TENM2: variants seen among roughly 807,000 people sequenced by gnomAD.
TENM2 encodes the protein teneurin transmembrane protein 2, also known as teneurin-2.
A neutral mutation model predicts 245.2 loss-of-function variants in TENM2; 52 were observed. That is an observed-to-expected ratio of 0.21 (90% CI 0.17 to 0.27). The LOEUF (loss-of-function observed/expected upper bound fraction) is 0.27, where lower values mean the gene tolerates loss of function less well. Among genes scored for constraint, TENM2 ranks in the 10% least tolerant of loss-of-function variants. The pLI, the probability that TENM2 is intolerant of heterozygous loss-of-function variation, is 1.00. For synonymous variants in TENM2, 1,363 were observed against 1,438.9 expected, an observed-to-expected ratio of 0.95 and a Z score of 1.19; for missense variants, 3,046 against 3,666.8, an observed-to-expected ratio of 0.83 and a Z score of 4.37.
At chr5:166,987,221 T>C in the TENM2 span, among the ~76,000 whole-genome samples, 1 of 152,198 alleles carries the variant, frequency 6.6e-6, no homozygotes, top group Admixed American at 6.5e-5. Context: ...TGTCATTTCT[T>C]GGTTTTTCTC....
intron 13 of TENM2, among the ~76,000 whole-genome samples, chr5:168,182,713 T>TCC (rs1760019934): frequency 6.6e-6 from 1 of 151,540 alleles, no homozygotes; most frequent in Admixed American, 6.6e-5. Flanking sequence ...TCTAAGTTGC[T>TCC]CCCCAAGTGT....
chr5:167,096,718 G>A, the TENM2 span, among the ~76,000 whole-genome samples: 2 of 152,264 alleles, frequency 1.3e-5, no homozygotes, highest in East Asian at 1.9e-4. Flanking sequence ...ATACAATCTT[G>A]GGAAGGAGTA....
chr5:167,542,615 A>G (rs1489259444), intron 2 of TENM2, among the ~76,000 whole-genome samples: 2 of 152,162 alleles, frequency 1.3e-5, no homozygotes, highest in Admixed American at 1.3e-4. Flanking sequence ...AGTCAGTTGC[A>G]TAGCTTTTGT....
At position 168,003,555 on chromosome 5, in the gene TENM2, G is replaced by A. The variant is rs150710815; in HGVS notation, c.1186+10373G>A. 5.2e-3 allele frequency among the ~76,000 whole-genome samples: 793 copies of A among 152,276 alleles called. 6 individuals are homozygous for A. The highest frequency in any genetic ancestry group is 0.041 in the Middle Eastern group (12 of 294). On this transcript the variant is annotated intron_variant, in intron 5 of 28. Transcript: ENST00000518659. Reference sequence around the variant, plus strand: ...TGGAACAGTTAAAGGACACAAATAGGAGGGGAAAATGGCACCCAGCATACC... The same window carrying A: ...TGGAACAGTTAAAGGACACAAATAGAAGGGGAAAATGGCACCCAGCATACC...
At chr5:167,600,803 A>G (rs929301794) in intron 2 of TENM2, among the ~76,000 whole-genome samples, 5 of 152,238 alleles carry the variant, frequency 3.3e-5, no homozygotes, top group African/African-American at 1.2e-4. Context: ...GAAGATCCAC[A>G]TATGTTAAGG....
rs1756000934 is a variant in TENM2, at chr5:167,311,042, C to T, written c.226+25979C>T. 1.3e-5 allele frequency among the ~76,000 whole-genome samples: 2 copies of T among 152,160 alleles called. 1 individual carries two copies. Among genetic ancestry groups the T allele is most frequent in the African/African-American group, 4.8e-5 (2 of 41,438 alleles). On this transcript the variant is annotated intron_variant, in intron 1 of 28. Coordinates refer to ENST00000518659, the Ensembl canonical transcript of TENM2. ...CTCAGTATTCAGAGCCTGTCCTCAT[C>T]TCACTGTTTACTTTGGGAAAATAGC...
intron 2 of TENM2, among the ~76,000 whole-genome samples, chr5:167,668,757 C>T (rs1223159340): frequency 6.6e-6 from 1 of 152,100 alleles, no homozygotes; most frequent in East Asian, 1.9e-4. Context: ...GAGTTCTAAA[C>T]CAGCCTGGGC....
chr5:167,617,759 A>G (rs760151256), intron 2 of TENM2, among the ~76,000 whole-genome samples: 4 of 152,192 alleles, frequency 2.6e-5, no homozygotes, highest in East Asian at 1.9e-4. Context: ...TGAATATTCA[A>G]ATGGAAAGAA....
At chr5:167,035,034 A>G in the TENM2 span, among the ~76,000 whole-genome samples, 1 of 152,214 alleles carries the variant, frequency 6.6e-6, no homozygotes, top group South Asian at 2.1e-4. Flanking sequence ...TTTCATAGAC[A>G]GTCTTTGCAT....
intron 2 of TENM2, among the ~76,000 whole-genome samples, chr5:167,789,106 TA>T (rs2150883323): frequency 6.6e-6 from 1 of 152,344 alleles, no homozygotes; most frequent in Non-Finnish European, 1.5e-5. Flanking sequence ...ACCTGGTTCA[TA>T]AATGTTTTCT....
intron 2 of TENM2, among the ~76,000 whole-genome samples, chr5:167,793,811 G>C (rs1344418836): frequency 4.0e-5 from 6 of 151,538 alleles, no homozygotes; most frequent in Non-Finnish European, 8.8e-5. Context: ...ACTCCAGCCT[G>C]GGTGCAAAAC....
At chr5:167,622,137 A>G (rs1778213645) in intron 2 of TENM2, among the ~76,000 whole-genome samples, 1 of 152,164 alleles carries the variant, frequency 6.6e-6, no homozygotes, top group African/African-American at 2.4e-5. Flanking sequence ...AAGCAAAGTG[A>G]GTGAAATTAG....
At chr5:167,902,069 C>T (rs188578211) in intron 3 of TENM2, among the ~76,000 whole-genome samples, 1 of 151,620 alleles carries the variant, frequency 6.6e-6, no homozygotes, top group Admixed American at 6.6e-5. Flanking sequence ...AATCCCCTTC[C>T]ATTTCTTGAG....
At chr5:168,100,481 A>G (rs1395670346) in intron 9 of TENM2, among the ~76,000 whole-genome samples, 3 of 152,180 alleles carry the variant, frequency 2.0e-5, no homozygotes, top group Non-Finnish European at 2.9e-5. Flanking sequence ...CTTGGAACCA[A>G]CCCAAATGCC....
chr5:167,050,640 T>C, the TENM2 span, among the ~76,000 whole-genome samples: 3 of 151,982 alleles, frequency 2.0e-5, no homozygotes, highest in African/African-American at 7.2e-5. Context: ...ATTATTGAGG[T>C]CATTATAGGA....
At chr5:167,089,751 G>A in the TENM2 span, among the ~76,000 whole-genome samples, 6 of 152,180 alleles carry the variant, frequency 3.9e-5, no homozygotes, top group Non-Finnish European at 8.8e-5. Context: ...ATGAGCAGGA[G>A]AGATTTTAAG....
the TENM2 span, among the ~76,000 whole-genome samples, chr5:167,203,073 A>G: frequency 1.3e-5 from 2 of 152,194 alleles, no homozygotes; most frequent in African/African-American, 4.8e-5. Flanking sequence ...GCACAATCCA[A>G]TGCAGAACAC....
chr5:167,493,788 A>T (rs1283939915), intron 2 of TENM2, among the ~76,000 whole-genome samples: 9 of 152,076 alleles, frequency 5.9e-5, no homozygotes. Context: ...ATATATCTAT[A>T]ACAGGAAAGA....
intron 2 of TENM2, among the ~76,000 whole-genome samples, chr5:167,685,749 A>T (rs1757033429): frequency 6.6e-6 from 1 of 151,616 alleles, no homozygotes; most frequent in Non-Finnish European, 1.5e-5. Context: ...GGTAGGTGGT[A>T]AAAAAAACAC....
Sources: gnomAD v4.1 joint callset for allele counts (sites outside exome capture counted in the v4.1 genomes callset) on GRCh38, gnomAD v4.1.1 for gene constraint, MANE v1.5 for transcripts, NCBI Gene and HGNC (gene_info 2026-07-23, HGNC 2026-07-21) for gene names.